FRMD3: variants seen among roughly 807,000 people sequenced by gnomAD.
The protein encoded by FRMD3 is FERM domain containing 3, also known as FERM domain-containing protein 3.
FRMD3 carries 33 observed loss-of-function variants against 70.2 expected under a neutral mutation model. The ratio of observed to expected loss-of-function variants is 0.47; its 90% CI spans 0.36 to 0.63. The LOEUF (loss-of-function observed/expected upper bound fraction) is 0.63. Among genes scored for constraint, FRMD3 ranks in the 20% least tolerant of loss-of-function variants. FRMD3 has a pLI of 0.00. For missense variants in FRMD3, 632 were observed against 711.4 expected (o/e 0.89, Z 1.27); for synonymous variants, 279 against 255.9 (o/e 1.09, Z -0.86).
chr9:83,436,458 A>ATGTGTGTGTGTGTGTGTGTGTG (rs148417744), intron 1 of FRMD3, among the ~76,000 whole-genome samples: 11 of 144,566 alleles, frequency 7.6e-5, no homozygotes, highest in South Asian at 2.2e-4. Flanking sequence ...AATTAATAAG[A>ATGTGTGTGTGTGTGTGTGTGTG]TGTGTGTGTG....
intron 1 of FRMD3, among the ~76,000 whole-genome samples, chr9:83,435,852 C>T (rs1046579581): frequency 6.6e-5 from 10 of 152,096 alleles, no homozygotes; most frequent in Admixed American, 6.5e-4. Flanking sequence ...ATACCTTTTT[C>T]TATCAACCCT....
At chr9:83,375,900 C>T (rs1489153274) in intron 2 of FRMD3, among the ~76,000 whole-genome samples, 1 of 152,192 alleles carries the variant, frequency 6.6e-6, no homozygotes, top group African/African-American at 2.4e-5. Context: ...TGGCTCACAC[C>T]TGTAATCCCA....
chr9:83,438,413 T>TG (rs1554705417), intron 1 of FRMD3, among the ~76,000 whole-genome samples: 1 of 151,128 alleles, frequency 6.6e-6, no homozygotes, highest in Non-Finnish European at 1.5e-5. Flanking sequence ...GAGAGTTTTT[T>TG]TTTTGTTTTG....
intron 13 of FRMD3, among the ~76,000 whole-genome samples, chr9:83,265,045 A>T (rs909729666): frequency 6.6e-6 from 1 of 152,192 alleles, no homozygotes; most frequent in Admixed American, 6.5e-5. Context: ...ATAAAAACAG[A>T]AACCTAAAAT....
intron 4 of FRMD3, among the ~76,000 whole-genome samples, chr9:83,348,202 T>C (rs1824024932): frequency 6.6e-6 from 1 of 152,170 alleles, no homozygotes; most frequent in Non-Finnish European, 1.5e-5. Flanking sequence ...GTTAGCACCC[T>C]GAGGGCAGGA....
At chr9:83,507,830 A>C (rs1315665493) in intron 1 of FRMD3, among the ~76,000 whole-genome samples, 1 of 148,886 alleles carries the variant, frequency 6.7e-6, no homozygotes, top group African/African-American at 2.5e-5. Context: ...CAAAATAACA[A>C]GAAAAAGTAT....
At chr9:83,398,095 A>G (rs746028825) in intron 1 of FRMD3, among the ~76,000 whole-genome samples, 12 of 152,214 alleles carry the variant, frequency 7.9e-5, no homozygotes, top group Non-Finnish European at 1.5e-4. Flanking sequence ...TGAACAACAT[A>G]AAAGTGCTCT....
the FRMD3 span, among the ~76,000 whole-genome samples, chr9:83,563,012 C>A: frequency 6.6e-6 from 1 of 151,066 alleles, no homozygotes; most frequent in Non-Finnish European, 1.5e-5. Flanking sequence ...AATGAGAGGC[C>A]GAATGAATGA....
intron 1 of FRMD3, among the ~76,000 whole-genome samples, chr9:83,403,994 G>T (rs1427591940): frequency 1.3e-5 from 2 of 151,904 alleles, no homozygotes. Flanking sequence ...CAATTAGCAG[G>T]CCTGTGACCC....
intron 1 of FRMD3, among the ~76,000 whole-genome samples, chr9:83,410,677 G>A (rs879616923): frequency 2.6e-5 from 4 of 152,194 alleles, no homozygotes; most frequent in African/African-American, 4.8e-5. Flanking sequence ...TAATGGGATT[G>A]CTGGGTTGAA....
At chr9:83,423,161 T>G (rs1826693941) in intron 1 of FRMD3, among the ~76,000 whole-genome samples, 1 of 152,240 alleles carries the variant, frequency 6.6e-6, no homozygotes, top group South Asian at 2.1e-4. Context: ...CTTCAGAAAG[T>G]TGTGGAATAA....
At chr9:83,455,541 G>A (rs1424221730) in intron 1 of FRMD3, among the ~76,000 whole-genome samples, 1 of 152,134 alleles carries the variant, frequency 6.6e-6, no homozygotes, top group East Asian at 1.9e-4. Context: ...CTCCCGCAAT[G>A]ATTCTGAGGC....
At chr9:83,315,438 C>T (rs1439630045) in intron 6 of FRMD3, among the ~76,000 whole-genome samples, 2 of 152,104 alleles carry the variant, frequency 1.3e-5, no homozygotes, top group Non-Finnish European at 2.9e-5. Context: ...TTGTAATCCC[C>T]AACGTTGGAG....
chr9:83,414,490 T>G (rs1196814806), intron 1 of FRMD3, among the ~76,000 whole-genome samples: 4 of 152,224 alleles, frequency 2.6e-5, no homozygotes, highest in Non-Finnish European at 5.9e-5. Context: ...TAAAATGGAC[T>G]TAATTAAAAT....
the FRMD3 span, among the ~76,000 whole-genome samples, chr9:83,581,927 T>A: frequency 2.0e-5 from 3 of 152,200 alleles, no homozygotes. Flanking sequence ...CATGGTTTCA[T>A]GTTAGAATGA....
chr9:83,468,963 A>C (rs1161202661), intron 1 of FRMD3, among the ~76,000 whole-genome samples: 1 of 152,200 alleles, frequency 6.6e-6, no homozygotes, highest in African/African-American at 2.4e-5. Flanking sequence ...ATCATGACCA[A>C]ATGAATGTAT....
At chr9:83,499,928 A>G (rs1246871396) in intron 1 of FRMD3, among the ~76,000 whole-genome samples, 1 of 152,210 alleles carries the variant, frequency 6.6e-6, no homozygotes, top group African/African-American at 2.4e-5. Flanking sequence ...ATAAAAAGAA[A>G]TGAGTTATCA....
At chr9:83,425,556 T>C (rs528183375) in intron 1 of FRMD3, among the ~76,000 whole-genome samples, 2 of 152,234 alleles carry the variant, frequency 1.3e-5, no homozygotes, top group Admixed American at 1.3e-4. Flanking sequence ...GATTTTTCTC[T>C]GAAAGGAGAG....
chr9:83,560,951 AAAGT>A, the FRMD3 span, among the ~76,000 whole-genome samples: 1 of 152,206 alleles, frequency 6.6e-6, no homozygotes, highest in African/African-American at 2.4e-5. Context: ...AGATGAAAGA[AAAGT>A]AAGTTTCTAT....
Sources: gnomAD v4.1 joint callset for allele counts (sites outside exome capture counted in the v4.1 genomes callset) on GRCh38, gnomAD v4.1.1 for gene constraint, MANE v1.5 for transcripts, NCBI Gene and HGNC (gene_info 2026-07-23, HGNC 2026-07-21) for gene names.